The following DOCK2 variants were observed in gnomAD, a reference collection of about 807,000 sequenced individuals.
DOCK2 encodes the protein dedicator of cytokinesis 2.
A neutral mutation model predicts 248.9 loss-of-function variants in DOCK2; 87 were observed. That is an observed-to-expected ratio of 0.35 (90% CI 0.29 to 0.42). DOCK2 has a LOEUF of 0.42. Among genes scored for constraint, DOCK2 ranks in the 10% least tolerant of loss-of-function variants. The probability of loss-of-function intolerance (pLI) is 1.00; values close to 1 mark genes in which losing one functional copy is unlikely to be tolerated. For synonymous variants in DOCK2, 805 were observed against 821.6 expected, an observed-to-expected ratio of 0.98 and a Z score of 0.35; for missense variants, 1,747 against 2,300.2, an observed-to-expected ratio of 0.76 and a Z score of 4.92.
intron 27 of DOCK2, among the ~76,000 whole-genome samples, chr5:169,910,990 A>G (rs1581402939): frequency 6.6e-6 from 1 of 151,978 alleles, no homozygotes; most frequent in Non-Finnish European, 1.5e-5. Flanking sequence ...AATAAGTGAA[A>G]CCCTCAGGTG....
chr5:169,654,435 C>A lies in DOCK2; in HGVS notation c.76C>A (p.Gln26Lys). 6.2e-7 allele frequency: 1 copy of A among 1,614,194 alleles called. No homozygotes were observed. Among genetic ancestry groups the A allele is most frequent in the South Asian group, 1.1e-5 (1 of 91,076 alleles). Residue 26 changes from glutamine (Q) to lysine (K), a missense_variant, in exon 2 of 52, where the codon CAG becomes AAG. By Grantham distance (53) the Gln-to-Lys change is moderately conservative (BLOSUM62 1). This residue lies in a region of DOCK2 where 375 missense variants were observed against 510.9 expected (regional missense o/e 0.73). Transcript: ENST00000520908. ...CAACTTCCAAGGCAGCGGAGCCCCC[C>A]AGCTCTCCCTGCAGATCGGCGATGT... is the stretch of plus-strand genomic sequence containing the variant. ...IYNFQGSGAP[Q>K]LSLQIGDVVR...
chr5:169,882,495 C>T, intron 27 of DOCK2: 1 of 1,402,838 alleles, frequency 7.1e-7, no homozygotes, highest in East Asian at 2.5e-5. Context: ...GTCTCTGCCC[C>T]TGTGTTGGCA....
chr5:169,960,293 C>A (rs1304983348), intron 27 of DOCK2, among the ~76,000 whole-genome samples: 3 of 152,162 alleles, frequency 2.0e-5, no homozygotes, highest in Admixed American at 2.0e-4. Flanking sequence ...TTTTTCTTAG[C>A]TGTTAGAGAA....
At chr5:169,966,741 A>G (rs1777314797) in intron 27 of DOCK2, among the ~76,000 whole-genome samples, 5 of 151,998 alleles carry the variant, frequency 3.3e-5, no homozygotes, top group Admixed American at 3.3e-4. Context: ...GTTTCCTACT[A>G]CCTCCATGGA....
chr5:169,759,261 C>T (rs573428846), intron 23 of DOCK2, among the ~76,000 whole-genome samples: 8 of 152,342 alleles, frequency 5.3e-5, no homozygotes, highest in Non-Finnish European at 1.0e-4. Context: ...TAATATGTCA[C>T]CATTTATTGA....
At chr5:169,650,608 C>T (rs1272063491) in intron 1 of DOCK2, among the ~76,000 whole-genome samples, 1 of 152,142 alleles carries the variant, frequency 6.6e-6, no homozygotes, top group African/African-American at 2.4e-5. Flanking sequence ...ATTCGATTTC[C>T]AGGGTTGCTA....
chr5:170,020,158 C>T (rs577970132), intron 33 of DOCK2, among the ~76,000 whole-genome samples: 10 of 152,300 alleles, frequency 6.6e-5, no homozygotes, highest in Admixed American at 1.3e-4. Flanking sequence ...CTCCAACTCT[C>T]CCCGCCTTAC....
chr5:169,778,381 T>C (rs961375769), intron 25 of DOCK2, among the ~76,000 whole-genome samples: 1 of 152,200 alleles, frequency 6.6e-6, no homozygotes, highest in Non-Finnish European at 1.5e-5. Context: ...TTTGTTCTTA[T>C]AAATATTGGT....
intron 27 of DOCK2, among the ~76,000 whole-genome samples, chr5:169,842,943 AG>A (rs534956046): frequency 1.1e-4 from 17 of 152,164 alleles, no homozygotes; most frequent in Admixed American, 2.0e-4. Flanking sequence ...AATCTTTACC[AG>A]GACACTCCCC....
chr5:169,896,409 C>A (rs537955431), intron 27 of DOCK2, among the ~76,000 whole-genome samples: 1 of 152,198 alleles, frequency 6.6e-6, no homozygotes, highest in South Asian at 2.1e-4. Flanking sequence ...GCTGGCTCTG[C>A]CATTTTCTGC....
chr5:170,037,480 ATT>A (rs370462327), intron 36 of DOCK2, among the ~76,000 whole-genome samples: 9,803 of 134,368 alleles, frequency 0.073, 847 homozygotes, highest in African/African-American at 0.22. Context: ...ACAAAAACAA[ATT>A]TTTTTTTTTT....
intron 44 of DOCK2, among the ~76,000 whole-genome samples, chr5:170,058,590 G>A (rs1447053315): frequency 6.6e-6 from 1 of 152,168 alleles, no homozygotes; most frequent in African/African-American, 2.4e-5. Flanking sequence ...TTCCAGCAGA[G>A]GAGACAGCAA....
chr5:169,991,124 G>A (rs1299158788), intron 29 of DOCK2, among the ~76,000 whole-genome samples: 2 of 152,226 alleles, frequency 1.3e-5, no homozygotes, highest in Non-Finnish European at 2.9e-5. Flanking sequence ...GTGGCTGAGT[G>A]GGAAGGTGAC....
chr5:169,674,531 T>C, intron 6 of DOCK2, 86 bp downstream of exon 6: 1 of 1,553,272 alleles, frequency 6.4e-7, no homozygotes, highest in Non-Finnish European at 8.7e-7. Context: ...GTTTTCATTT[T>C]TAGATGCAAT....
chr5:169,712,477 A>G lies in DOCK2; in HGVS notation c.1659+254A>G, dbSNP rs544705328. Among the ~76,000 whole-genome samples, 14 of 152,338 alleles carry G rather than the reference A, an allele frequency of 9.2e-5. 1 individual carries two copies. The highest frequency in any genetic ancestry group is 7.8e-4 in the Admixed American group (12 of 15,308). ...AATGATGAGTACATGGAAGAACTCA[A>G]TACATGGAAAAGGTTATTGTTATTT... On this transcript the variant is annotated intron_variant, in intron 17 of 51. Transcript: ENST00000520908.
chr5:169,662,746 G>A (rs780871026), intron 2 of DOCK2, among the ~76,000 whole-genome samples: 4 of 152,094 alleles, frequency 2.6e-5, no homozygotes, highest in South Asian at 2.1e-4. Flanking sequence ...GGGGGAAACC[G>A]TCCCTATGAT....
intron 36 of DOCK2, among the ~76,000 whole-genome samples, chr5:170,037,527 C>T (rs948237846): frequency 4.8e-5 from 7 of 146,732 alleles, no homozygotes; most frequent in African/African-American, 1.7e-4. Flanking sequence ...GCTCTTGTTG[C>T]CCAGGCTGGA....
At chr5:169,640,749 A>T (rs1757102092) in intron 1 of DOCK2, among the ~76,000 whole-genome samples, 1 of 152,128 alleles carries the variant, frequency 6.6e-6, no homozygotes. Flanking sequence ...GGGAGAGGGG[A>T]TTTATGACAG....
At chr5:170,015,999 C>T (rs1755526604) in intron 32 of DOCK2, among the ~76,000 whole-genome samples, 1 of 151,972 alleles carries the variant, frequency 6.6e-6, no homozygotes, top group African/African-American at 2.4e-5. Flanking sequence ...TGCATTTTAC[C>T]CTACAGTCCA....
Sources: allele counts gnomAD v4.1 joint callset (sites outside exome capture counted in the v4.1 genomes callset), GRCh38; gene constraint gnomAD v4.1.1; regional missense constraint gnomAD v4.1.1; transcripts MANE v1.5; gene names NCBI Gene and HGNC (gene_info 2026-07-23, HGNC 2026-07-21).